The following VPS9D1 variants were observed in gnomAD, a reference collection of about 807,000 sequenced individuals.
VPS9D1 encodes VPS9 domain-containing protein 1.
A neutral mutation model predicts 75.8 loss-of-function variants in VPS9D1; 78 were observed. The ratio of observed to expected loss-of-function variants is 1.03; its 90% CI spans 0.86 to 1.24. The LOEUF (loss-of-function observed/expected upper bound fraction) is 1.24, where lower values mean the gene tolerates loss of function less well. VPS9D1 is among the 50% of genes most tolerant of loss of function. The pLI is 0.00. For synonymous variants in VPS9D1, 481 were observed against 385.6 expected (o/e 1.25, Z -2.90); for missense variants, 1,057 against 847.7 (o/e 1.25, Z -3.07).
chr16:89,720,716 C>G lies in VPS9D1; in HGVS notation c.99+47G>C, dbSNP rs188047190. ...TCGCCCTCCCCGGGCGGGGGTCCCT[C>G]CAGGGGCCACCCTCAGCGGCCAAGC... On this transcript the variant is annotated intron_variant, in intron 1 of 14. Coordinates refer to ENST00000389386, the MANE Select transcript of VPS9D1 (RefSeq NM_004913.3). 421 of 1,402,970 alleles carry G rather than the reference C, an allele frequency of 3.0e-4. 2 individuals are homozygous for G. The African/African-American group carries it at 5.4e-3, about 18-fold the overall frequency. 86.9% of individuals were successfully genotyped at this position (1,402,970 alleles called of 1,614,324 possible).
chr16:89,713,871 G>A (rs1051635235), intron 4 of VPS9D1, among the ~76,000 whole-genome samples: 2 of 151,960 alleles, frequency 1.3e-5, no homozygotes, highest in Admixed American at 6.5e-5. Flanking sequence ...AGCCGGGTGT[G>A]GTGGCATGTG....
Position 89,711,422 on chromosome 16 carries a change from A to G in VPS9D1, c.748-10T>C. 6.3e-7 allele frequency: 1 copy of G among 1,599,514 alleles called. No homozygotes were observed. The highest frequency in any genetic ancestry group is 8.5e-7 in the Non-Finnish European group (1 of 1,173,226). On this transcript the variant is annotated splice_polypyrimidine_tract_variant and intron_variant, in intron 8 of 14. Transcript: ENST00000389386. ...AGTGCTTCGGCCAGTCCTACGGGAC[A>G]GGGGGCCTTGAAGGAAAGCACGGTG... is the stretch of plus-strand genomic sequence containing the variant.
At chr16:89,719,810 C>G (rs2061197650) in intron 1 of VPS9D1, among the ~76,000 whole-genome samples, 1 of 152,174 alleles carries the variant, frequency 6.6e-6, no homozygotes, top group South Asian at 2.1e-4. Flanking sequence ...CCTCCGCCTC[C>G]TGGGTTCAAG....
chr16:89,716,365 C>CA (rs929961515), intron 4 of VPS9D1, 97 bp downstream of exon 4: 3 of 1,569,142 alleles, frequency 1.9e-6, no homozygotes, highest in Admixed American at 1.9e-5. Context: ...GACTCTGTCT[C>CA]AAAAAACAAA....
chr16:89,716,755 C>T lies in VPS9D1; in HGVS notation c.243G>A (p.Arg81=). 6.3e-7 allele frequency: 1 copy of T among 1,590,640 alleles called. No individual in the cohort carries two copies. The highest frequency in any genetic ancestry group is 8.5e-7 in the Non-Finnish European group (1 of 1,169,782). Residue 81 remains arginine, a synonymous_variant, in exon 3 of 15, where the codon AGG becomes AGA. Transcript: ENST00000389386. The stretch of plus-strand genomic sequence containing the variant: ...CAAGCTTGGCGGCCGTCGACTGGGC[C>T]CTCTCCAGACACTGCTGTGCTAGCT... ...MLKLAQQCLE[R]AQSTAAKLGK... is the part of the protein sequence containing the mutation.
chr16:89,720,524 T>A (rs891354763), intron 1 of VPS9D1: 1 of 1,156,662 alleles, frequency 8.6e-7, no homozygotes, highest in Non-Finnish European at 1.1e-6. Context: ...CAGGCTGTGA[T>A]GCACCGGCTC....
At chr16:89,709,019 T>TCCCCCCC in intron 12 of VPS9D1, 63 bp from the exon 13 acceptor site, 1 of 1,290,650 alleles carries the variant, frequency 7.7e-7, no homozygotes, top group Non-Finnish European at 1.0e-6. Flanking sequence ...CCACCCCTTA[T>TCCCCCCC]ACCCCGCCCA....
chr16:89,708,985 G>C, intron 12 of VPS9D1, 29 bp from the exon 13 acceptor site: 1 of 1,563,258 alleles, frequency 6.4e-7, no homozygotes, highest in South Asian at 1.2e-5. Context: ...TTCAGGGGCA[G>C]TTAACCCCGT....
intron 4 of VPS9D1, among the ~76,000 whole-genome samples, chr16:89,713,323 C>T (rs982481574): frequency 2.0e-5 from 3 of 151,528 alleles, no homozygotes; most frequent in African/African-American, 4.8e-5. Context: ...GGCGCAATCT[C>T]GGCTCACTGC....
At chr16:89,717,903 C>T (rs2377053) in intron 2 of VPS9D1, 1 of 439,814 alleles carries the variant, frequency 2.3e-6, no homozygotes, top group African/African-American at 2.0e-5. Flanking sequence ...CCCCCGACCT[C>T]TGTGATCCCA....
At chr16:89,717,792 C>G (rs184580194) in intron 2 of VPS9D1, 242 of 456,674 alleles carry the variant, frequency 5.3e-4, no homozygotes, top group African/African-American at 4.0e-3. Flanking sequence ...GCCGAGCTCA[C>G]CGGCTCCCTA....
intron 10 of VPS9D1, 148 bp from the exon 11 acceptor site, chr16:89,710,054 G>T: frequency 8.8e-7 from 1 of 1,137,442 alleles, no homozygotes; most frequent in Non-Finnish European, 1.2e-6. Context: ...CCTCGGCCCA[G>T]GGCAGGGAGT....
chr16:89,710,531 C>T, intron 10 of VPS9D1, 55 bp downstream of exon 10: 1 of 1,523,738 alleles, frequency 6.6e-7, no homozygotes, highest in Non-Finnish European at 8.9e-7. Context: ...TGAAACGGAC[C>T]AATAAGCAGG....
intron 4 of VPS9D1, among the ~76,000 whole-genome samples, chr16:89,716,180 C>A (rs1350626575): frequency 2.0e-5 from 3 of 151,962 alleles, no homozygotes; most frequent in Non-Finnish European, 4.4e-5. Context: ...TCCTGGCTAA[C>A]ATGGCAAAAC....
chr16:89,709,021 C>CA, intron 12 of VPS9D1, 65 bp from the exon 13 acceptor site: 4 of 1,435,336 alleles, frequency 2.8e-6, no homozygotes, highest in Admixed American at 2.2e-5. Flanking sequence ...ACCCCTTATA[C>CA]CCCGCCCACC....
Position 89,708,640 on chromosome 16 carries a change from T to C in VPS9D1, c.1698-109A>G, listed in dbSNP as rs1209670053. ...GTGCTGGCCGCCATCTCTGTGCCCTTCTGCGCAGAGGCACCGGAAGGCAGC... is the reference window on the plus strand; with the variant it reads ...GTGCTGGCCGCCATCTCTGTGCCCTCCTGCGCAGAGGCACCGGAAGGCAGC... On this transcript the variant is annotated intron_variant, in intron 13 of 14. Coordinates refer to ENST00000389386, the MANE Select transcript of VPS9D1 (RefSeq NM_004913.3). 3 of 1,262,260 alleles carry C rather than the reference T, an allele frequency of 2.4e-6. No individual in the cohort carries two copies. In the East Asian group the frequency reaches 7.6e-5, roughly 32 times the overall value. 78.2% of individuals were successfully genotyped at this position (1,262,260 alleles called of 1,614,324 possible).
intron 4 of VPS9D1, among the ~76,000 whole-genome samples, chr16:89,716,097 G>A (rs2151635759): frequency 6.6e-6 from 1 of 152,088 alleles, no homozygotes; most frequent in African/African-American, 2.4e-5. Context: ...GCCGGGCGCG[G>A]TGACTCACGC....
chr16:89,707,979 G>C, intron 14 of VPS9D1, 25 bp from the exon 15 acceptor site: 1 of 1,606,740 alleles, frequency 6.2e-7, no homozygotes, highest in Middle Eastern at 1.7e-4. Context: ...GGGGCAGCCG[G>C]TGTCATCTGA....
chr16:89,709,031 C>G (rs1447465200), intron 12 of VPS9D1, 75 bp from the exon 13 acceptor site: 1 of 890,784 alleles, frequency 1.1e-6, no homozygotes, highest in Non-Finnish European at 1.6e-6. Flanking sequence ...CCCCGCCCAC[C>G]CACCCACCTC....
Sources: allele counts gnomAD v4.1 joint callset (sites outside exome capture counted in the v4.1 genomes callset), GRCh38; gene constraint gnomAD v4.1.1; transcripts MANE v1.5; gene names NCBI Gene and HGNC (gene_info 2026-07-23, HGNC 2026-07-21).